The following ATP10B variants were observed in gnomAD, a reference collection of about 807,000 sequenced individuals.
ATP10B encodes the protein ATPase phospholipid transporting 10B (putative).
Under a neutral mutation model 141.2 loss-of-function variants are expected in ATP10B, and 122 were observed. The observed-to-expected ratio is 0.86, with a 90% CI of 0.75 to 1.00. The LOEUF (loss-of-function observed/expected upper bound fraction) is 1.00. Among genes scored for constraint, ATP10B ranks in the 50% least tolerant of loss-of-function variants. The pLI is 0.00. For missense variants in ATP10B, 1,876 were observed against 1,825.3 expected (o/e 1.03, Z -0.51); for synonymous variants, 685 against 692.0 (o/e 0.99, Z 0.16).
intron 10 of ATP10B, among the ~76,000 whole-genome samples, chr5:160,638,010 G>A (rs947101567): frequency 6.6e-6 from 1 of 152,192 alleles, no homozygotes; most frequent in Non-Finnish European, 1.5e-5. Context: ...AGGACTTGAG[G>A]GGGTCCTGGA....
intron 2 of ATP10B, among the ~76,000 whole-genome samples, chr5:160,745,613 G>A (rs1767760001): frequency 6.6e-6 from 1 of 152,220 alleles, no homozygotes. Context: ...AAAGGTCTCA[G>A]AAAAGCATCA....
At chr5:160,874,323 C>A in the ATP10B span, among the ~76,000 whole-genome samples, 1 of 152,006 alleles carries the variant, frequency 6.6e-6, no homozygotes, top group Non-Finnish European at 1.5e-5. Flanking sequence ...AGCTGAGGGT[C>A]CTGTCTGTTA....
chr5:160,569,381 C>T, intron 25 of ATP10B, 115 bp downstream of exon 25: 1 of 994,920 alleles, frequency 1.0e-6, no homozygotes, highest in Non-Finnish European at 1.5e-6. Context: ...GTTTCTGAAA[C>T]ATTAGCCTCA....
In ATP10B at chr5:160,820,796, G is replaced by T. The variant is rs146535484; in HGVS notation, c.-576+31145C>A. On this transcript the variant is annotated intron_variant, in intron 1 of 25. Coordinates refer to ENST00000327245, the MANE Select transcript of ATP10B (RefSeq NM_025153.3). Reference sequence around the variant, plus strand: ...ACAGAATGAAGGTTAAAAACCATATGGCCATTTCTATTGATGCTGAAAAAG... The same window carrying T: ...ACAGAATGAAGGTTAAAAACCATATTGCCATTTCTATTGATGCTGAAAAAG... 4.0e-3 allele frequency among the ~76,000 whole-genome samples: 605 copies of T among 152,148 alleles called. 5 individuals carry two copies. Among genetic ancestry groups the T allele is most frequent in the African/African-American group, 0.014 (566 of 41,536 alleles).
chr5:160,910,185 A>C, the ATP10B span, among the ~76,000 whole-genome samples: 2 of 151,812 alleles, frequency 1.3e-5, no homozygotes, highest in Non-Finnish European at 2.9e-5. Context: ...GTTTGCTCTC[A>C]TTATTTCCTG....
At chr5:160,839,143 T>A (rs555510235) in intron 1 of ATP10B, among the ~76,000 whole-genome samples, 1 of 152,166 alleles carries the variant, frequency 6.6e-6, no homozygotes, top group East Asian at 1.9e-4. Context: ...TCTCAGGTAT[T>A]CCTTTATAGT....
intron 8 of ATP10B, among the ~76,000 whole-genome samples, chr5:160,646,231 T>A (rs931118770): frequency 1.3e-5 from 2 of 152,132 alleles, no homozygotes; most frequent in African/African-American, 4.8e-5. Context: ...ACTACCCCAC[T>A]CACCCACACT....
In ATP10B at chr5:160,635,873, G is replaced by A. The variant is rs937363529; in HGVS notation, c.1128+309C>T. 3.1e-4 allele frequency among the ~76,000 whole-genome samples: 47 copies of A among 152,202 alleles called. 1 individual carries two copies. Among genetic ancestry groups the A allele is most frequent in the African/African-American group, 2.4e-5 (1 of 41,538 alleles). ...CTTCTTTTGTTCCTAGATCATTCATGTTTTATCTGTTCTGGCAAAGGGACA... is the reference window on the plus strand; with the variant it reads ...CTTCTTTTGTTCCTAGATCATTCATATTTTATCTGTTCTGGCAAAGGGACA... On this transcript the variant is annotated intron_variant, in intron 11 of 25. Coordinates refer to ENST00000327245, the MANE Select transcript of ATP10B (RefSeq NM_025153.3).
In ATP10B at chr5:160,715,385, C is replaced by T. The variant is rs1472072127; in HGVS notation, c.-205+1524G>A. On this transcript the variant is annotated intron_variant, in intron 3 of 25. Transcript: ENST00000327245. ...TGGGAGTGACCCGATTTTCCAGGTG[C>T]GTCCGTCACCCCTTTCTTTGACTCG... Among the ~76,000 whole-genome samples the T allele has an allele frequency of 9.7e-4, 138 of 142,268 alleles. 1 individual carries two copies. In the East Asian group the frequency reaches 0.016, roughly 17 times the overall value. 93.3% of individuals were successfully genotyped at this position (142,268 alleles called of 152,430 possible).
chr5:160,791,936 C>G (rs968051506), intron 1 of ATP10B, among the ~76,000 whole-genome samples: 3 of 152,112 alleles, frequency 2.0e-5, no homozygotes, highest in Admixed American at 2.0e-4. Flanking sequence ...GAAAATGACT[C>G]TAGCTGGGAT....
At chr5:160,634,955 T>C (rs1759250674) in intron 11 of ATP10B, among the ~76,000 whole-genome samples, 3 of 152,196 alleles carry the variant, frequency 2.0e-5, no homozygotes, top group Admixed American at 1.3e-4. Flanking sequence ...TTCAGACCTA[T>C]TGTTAATTTC....
chr5:160,601,351 C>T (rs556443534), intron 21 of ATP10B, among the ~76,000 whole-genome samples: 9 of 152,322 alleles, frequency 5.9e-5, no homozygotes, highest in African/African-American at 2.2e-4. Context: ...TCTCTTCCAT[C>T]ACCTTGGTCT....
chr5:160,770,080 T>A (rs1331582126), intron 2 of ATP10B, among the ~76,000 whole-genome samples: 3 of 152,168 alleles, frequency 2.0e-5, no homozygotes, highest in Non-Finnish European at 4.4e-5. Context: ...CACTTAAGAA[T>A]CTACCAAATC....
chr5:160,600,412 C>A (rs1757037597), intron 21 of ATP10B, among the ~76,000 whole-genome samples: 3 of 152,146 alleles, frequency 2.0e-5, no homozygotes, highest in Admixed American at 2.0e-4. Context: ...ATACAGCCTG[C>A]AAAGCTGAAA....
chr5:160,615,981 G>A lies in ATP10B; in HGVS notation c.2527-17C>T, dbSNP rs913664234. The A allele has an allele frequency of 1.9e-6, 3 of 1,607,460 alleles. No individual in the cohort carries two copies. Among genetic ancestry groups the A allele is most frequent in the Non-Finnish European group, 2.6e-6 (3 of 1,174,892 alleles). On this transcript the variant is annotated splice_polypyrimidine_tract_variant and intron_variant, in intron 16 of 25. Coordinates refer to ENST00000327245, the MANE Select transcript of ATP10B (RefSeq NM_025153.3). ...GCTTACAACCTATGGGATGGGAAAA[G>A]GCTCCTTAACAATCTTGGGTGGACC...
intron 2 of ATP10B, among the ~76,000 whole-genome samples, chr5:160,761,060 G>T (rs961875652): frequency 6.6e-6 from 1 of 152,098 alleles, no homozygotes; most frequent in African/African-American, 2.4e-5. Context: ...TACTACTGCA[G>T]CTGGTACACT....
intron 10 of ATP10B, 25 bp downstream of exon 10, chr5:160,640,436 T>TTG (rs1234537840): frequency 1.2e-6 from 2 of 1,611,668 alleles, no homozygotes; most frequent in Non-Finnish European, 1.7e-6. Context: ...TACTGTGTCC[T>TTG]TGTTCTTTCC....
intron 2 of ATP10B, among the ~76,000 whole-genome samples, chr5:160,772,210 G>A (rs1038613147): frequency 1.3e-5 from 2 of 152,242 alleles, no homozygotes; most frequent in Non-Finnish European, 2.9e-5. Context: ...GTTTTCCACA[G>A]TCACCACTAA....
intron 7 of ATP10B, 53 bp downstream of exon 7, chr5:160,670,410 G>A: frequency 6.3e-7 from 1 of 1,583,000 alleles, no homozygotes; most frequent in Non-Finnish European, 8.7e-7. Context: ...CAGTAGGGTA[G>A]GCTTGCATCC....
Sources: gnomAD v4.1 joint callset for allele counts (sites outside exome capture counted in the v4.1 genomes callset) on GRCh38, gnomAD v4.1.1 for gene constraint, MANE v1.5 for transcripts, NCBI Gene and HGNC (gene_info 2026-07-23, HGNC 2026-07-21) for gene names.